Variants in DPY19L1 observed in about 807,000 individuals in gnomAD.
DPY19L1 encodes the protein dpy-19 like C-mannosyltransferase 1.
In DPY19L1, 35 loss-of-function variants were observed where a neutral mutation model predicts 96.9. That is an observed-to-expected ratio of 0.36 (90% CI 0.28 to 0.48). The LOEUF (loss-of-function observed/expected upper bound fraction) is 0.48, where lower values mean the gene tolerates loss of function less well. DPY19L1 is among the 20% of genes least tolerant of loss of function. The pLI is 0.99. For missense variants in DPY19L1, 521 were observed against 777.9 expected (o/e 0.67, Z 3.93); for synonymous variants, 205 against 252.6 (o/e 0.81, Z 1.79).
chr7:34,928,921 A>G lies in DPY19L1; in HGVS notation c.*2652T>C, dbSNP rs1433547227. ...TTTTTTAATTTAACATATATAGTAC[A>G]TGTAAACAACTGGCATAAAATTCAT... On this transcript the variant is annotated 3_prime_UTR_variant, in exon 22 of 22. Coordinates refer to ENST00000638088, the MANE Select transcript of DPY19L1 (RefSeq NM_001366673.1). 6.6e-6 allele frequency: 1 copy of G among 152,224 alleles called. No homozygotes were observed. The highest frequency in any genetic ancestry group is 2.4e-5 in the African/African-American group (1 of 41,456). The allele number at this position is 152,224 out of a possible 1,614,324, so 9.4% of individuals were successfully genotyped here. A position where few individuals can be genotyped will look rare whatever the true frequency, so the allele number is the denominator to read the frequency against.
At chr7:34,997,605 G>A (rs1272542624) in intron 6 of DPY19L1, among the ~76,000 whole-genome samples, 16 of 78,204 alleles carry the variant, frequency 2.0e-4, no homozygotes, top group Admixed American at 1.2e-3. Context: ...GCGAGACTCC[G>A]TCTCAAAAAA....
intron 6 of DPY19L1, among the ~76,000 whole-genome samples, chr7:34,996,622 C>T (rs528361786): frequency 6.6e-6 from 1 of 152,158 alleles, no homozygotes; most frequent in Admixed American, 6.5e-5. Flanking sequence ...CTACCCAAAG[C>T]CTGCTCCCTC....
At chr7:34,974,498 C>A (rs563532766) in intron 7 of DPY19L1, among the ~76,000 whole-genome samples, 1 of 152,304 alleles carries the variant, frequency 6.6e-6, no homozygotes, top group African/African-American at 2.4e-5. Context: ...CAATTTACTG[C>A]TCTTTTCTAA....
At chr7:35,018,454 C>A in intron 2 of DPY19L1, 118 bp downstream of exon 2, 1 of 871,328 alleles carries the variant, frequency 1.1e-6, no homozygotes, top group Non-Finnish European at 1.8e-6. Context: ...TATTGTGTTA[C>A]ATGTAATATA....
At chr7:34,985,914 C>T (rs1269140028) in intron 7 of DPY19L1, among the ~76,000 whole-genome samples, 9 of 151,806 alleles carry the variant, frequency 5.9e-5, no homozygotes. Context: ...CCCTAAGTGT[C>T]CATAAAGAGA....
At position 35,010,449 on chromosome 7, in the gene DPY19L1, C is replaced by T. The variant is rs768943771; in HGVS notation, c.764+19G>A. ...TTTATTTTAGTATATCTTATAAACA[C>T]ATACTAAAATATTCTTACCTTAAAT... On this transcript the variant is annotated intron_variant, in intron 6 of 21. Transcript: ENST00000638088. The T allele has an allele frequency of 2.9e-6, 4 of 1,367,732 alleles. No homozygotes were observed. Among genetic ancestry groups the T allele is most frequent in the Non-Finnish European group, 3.1e-6 (3 of 973,374 alleles). 84.7% of individuals were successfully genotyped at this position (1,367,732 alleles called of 1,614,324 possible).
In DPY19L1 at chr7:34,929,929, G is replaced by A. The variant is rs1397202393; in HGVS notation, c.*1644C>T. The A allele has an allele frequency of 6.6e-6, 1 of 152,228 alleles. No individual in the cohort carries two copies. Among genetic ancestry groups the A allele is most frequent in the Non-Finnish European group, 1.5e-5 (1 of 68,068 alleles). 9.4% of individuals were successfully genotyped at this position (152,228 alleles called of 1,614,324 possible). ...GGGAAGGAGCATCCCTGGGAGCTGC[G>A]GCTCTAGGCGCTGGCACAAGACTGG... On this transcript the variant is annotated 3_prime_UTR_variant, in exon 22 of 22. Transcript: ENST00000638088.
chr7:34,957,201 G>A (rs1446339765), intron 11 of DPY19L1, among the ~76,000 whole-genome samples: 1 of 151,480 alleles, frequency 6.6e-6, no homozygotes, highest in Non-Finnish European at 1.5e-5. Flanking sequence ...TGACCAACAT[G>A]GAGAAACCCC....
At chr7:35,027,772 A>C (rs1171692965) in intron 1 of DPY19L1, among the ~76,000 whole-genome samples, 1 of 151,780 alleles carries the variant, frequency 6.6e-6, no homozygotes, top group African/African-American at 2.4e-5. Flanking sequence ...TGGGAGGCAG[A>C]GGTTGCAGTG....
intron 13 of DPY19L1, among the ~76,000 whole-genome samples, chr7:34,950,127 C>T (rs1320176656): frequency 6.6e-6 from 1 of 152,100 alleles, no homozygotes; most frequent in African/African-American, 2.4e-5. Flanking sequence ...TCATCGACAT[C>T]CCAAAGGCTT....
intron 19 of DPY19L1, among the ~76,000 whole-genome samples, chr7:34,939,777 A>G (rs1203025548): frequency 3.3e-5 from 5 of 152,214 alleles, no homozygotes; most frequent in Non-Finnish European, 7.3e-5. Flanking sequence ...CTTTCCACAC[A>G]TGAATAAAAT....
chr7:34,999,475 G>C (rs756231423), intron 6 of DPY19L1, among the ~76,000 whole-genome samples: 2 of 152,218 alleles, frequency 1.3e-5, no homozygotes, highest in Non-Finnish European at 2.9e-5. Context: ...TCAAAAGGAT[G>C]AAACAGACCA....
intron 18 of DPY19L1, among the ~76,000 whole-genome samples, chr7:34,941,534 A>T (rs1442838101): frequency 1.3e-5 from 2 of 152,260 alleles, no homozygotes; most frequent in Admixed American, 6.5e-5. Flanking sequence ...ATCACTCATG[A>T]ACTCAGTCTG....
At chr7:35,033,541 C>A (rs1016180843) in intron 1 of DPY19L1, among the ~76,000 whole-genome samples, 7 of 152,136 alleles carry the variant, frequency 4.6e-5, no homozygotes, top group African/African-American at 1.7e-4. Context: ...TTACCATAAT[C>A]AGACAAAGCA....
At chr7:35,029,440 C>T (rs1354446121) in intron 1 of DPY19L1, among the ~76,000 whole-genome samples, 1 of 152,116 alleles carries the variant, frequency 6.6e-6, no homozygotes, top group Non-Finnish European at 1.5e-5. Context: ...ACACCTACAA[C>T]ACACGTCCAG....
intron 13 of DPY19L1, among the ~76,000 whole-genome samples, chr7:34,950,359 G>A (rs1268804845): frequency 6.6e-6 from 1 of 152,132 alleles, no homozygotes; most frequent in Non-Finnish European, 1.5e-5. Context: ...GCAGGTACTG[G>A]AATAAAAGGT....
chr7:35,018,600 TA>T lies in DPY19L1; in HGVS notation c.299-5del. 1 of 1,608,390 alleles carries T rather than the reference TA, an allele frequency of 6.2e-7. No individual in the cohort carries two copies. Among genetic ancestry groups the T allele is most frequent in the Non-Finnish European group, 8.5e-7 (1 of 1,177,810 alleles). On this transcript the variant is annotated splice_region_variant and splice_polypyrimidine_tract_variant and intron_variant, in intron 1 of 21. Coordinates refer to ENST00000638088, the MANE Select transcript of DPY19L1 (RefSeq NM_001366673.1). ...TGCAACACTGCTGCAAAAACAGCTG[TA>T]AGAAAAAAGAAATTTAAATTAGAAT...
chr7:34,933,154 T>C (rs967475091), intron 21 of DPY19L1, among the ~76,000 whole-genome samples: 1 of 152,072 alleles, frequency 6.6e-6, no homozygotes, highest in Non-Finnish European at 1.5e-5. Context: ...AAAAAAAAAT[T>C]ATTTCAATAG....
intron 10 of DPY19L1, among the ~76,000 whole-genome samples, chr7:34,965,804 TCAAC>T (rs1458453638): frequency 6.6e-6 from 1 of 152,094 alleles, no homozygotes. Context: ...TTCAAGAACA[TCAAC>T]CAACCAGCTT....
Sources: allele counts gnomAD v4.1 joint callset (sites outside exome capture counted in the v4.1 genomes callset), GRCh38; gene constraint gnomAD v4.1.1; transcripts MANE v1.5; gene names NCBI Gene and HGNC (gene_info 2026-07-23, HGNC 2026-07-21).